Variants in SHANK2 observed in about 807,000 individuals in gnomAD.
SHANK2 encodes the protein SH3 and multiple ankyrin repeat domains protein 2.
In SHANK2, 43 loss-of-function variants were observed where a neutral mutation model predicts 133.7. The ratio of observed to expected loss-of-function variants is 0.32; its 90% CI spans 0.25 to 0.41. The LOEUF (loss-of-function observed/expected upper bound fraction) is 0.41, where lower values mean the gene tolerates loss of function less well. Among genes scored for constraint, SHANK2 ranks in the 10% least tolerant of loss-of-function variants. The pLI, the probability that SHANK2 is intolerant of heterozygous loss-of-function variation, is 1.00. For missense variants in SHANK2, 1,994 were observed against 2,235.8 expected (o/e 0.89, Z 2.18); for synonymous variants, 1,017 against 952.8 (o/e 1.07, Z -1.24).
intron 2 of SHANK2, among the ~76,000 whole-genome samples, chr11:71,219,902 A>C (rs1048339325): frequency 6.6e-6 from 1 of 150,544 alleles, no homozygotes; most frequent in Non-Finnish European, 1.5e-5. Flanking sequence ...CATCTCAAAA[A>C]ATAATTAAAT....
intron 10 of SHANK2, among the ~76,000 whole-genome samples, chr11:70,953,325 T>A (rs1400411076): frequency 1.3e-5 from 2 of 151,888 alleles, no homozygotes; most frequent in Admixed American, 6.6e-5. Flanking sequence ...GGGAGTTTTT[T>A]AAGGGAGAAT....
chr11:70,782,839 C>T (rs781828591), intron 14 of SHANK2, among the ~76,000 whole-genome samples: 35 of 152,202 alleles, frequency 2.3e-4, no homozygotes, highest in Non-Finnish European at 4.1e-4. Context: ...TCATCGCACA[C>T]GCAGCACGTC....
chr11:71,185,593 C>T (rs538732212), intron 2 of SHANK2, among the ~76,000 whole-genome samples: 4 of 152,150 alleles, frequency 2.6e-5, no homozygotes, highest in African/African-American at 7.2e-5. Context: ...CCCAGCCAAA[C>T]GGGGACCTGG....
intron 14 of SHANK2, among the ~76,000 whole-genome samples, chr11:70,747,518 T>C (rs1946665037): frequency 6.6e-6 from 1 of 152,198 alleles, no homozygotes; most frequent in African/African-American, 2.4e-5. Flanking sequence ...CAGACTAGTG[T>C]TGGGATTTGG....
chr11:70,547,998 G>A (rs1554976738), intron 17 of SHANK2, among the ~76,000 whole-genome samples: 1 of 152,258 alleles, frequency 6.6e-6, no homozygotes. Context: ...CTAGAAGGCT[G>A]TGGGTGTGGC....
chr11:70,771,305 C>T (rs1947245193), intron 14 of SHANK2, among the ~76,000 whole-genome samples: 1 of 152,166 alleles, frequency 6.6e-6, no homozygotes, highest in African/African-American at 2.4e-5. Context: ...CTTTCAGAGA[C>T]ATGGAGGGCC....
chr11:70,596,682 C>T (rs1408549025), intron 17 of SHANK2, among the ~76,000 whole-genome samples: 1 of 152,252 alleles, frequency 6.6e-6, no homozygotes, highest in Admixed American at 6.5e-5. Flanking sequence ...GGCCTTCCTT[C>T]CTTCCTGCCT....
chr11:70,871,743 T>G (rs1949468998), intron 11 of SHANK2, among the ~76,000 whole-genome samples: 2 of 152,102 alleles, frequency 1.3e-5, no homozygotes, highest in African/African-American at 4.8e-5. Context: ...TACAGCAAAC[T>G]GTGGCCACAT....
intron 17 of SHANK2, among the ~76,000 whole-genome samples, chr11:70,534,521 TC>T (rs1554973836): frequency 6.6e-6 from 1 of 152,092 alleles, no homozygotes; most frequent in Non-Finnish European, 1.5e-5. Context: ...GCAGGTGCTG[TC>T]CCCATTCACA....
intron 10 of SHANK2, among the ~76,000 whole-genome samples, chr11:70,915,710 T>C (rs1950260357): frequency 6.6e-6 from 1 of 152,136 alleles, no homozygotes; most frequent in Non-Finnish European, 1.5e-5. Flanking sequence ...GCTGCCTGCC[T>C]CGCGGGACGG....
At chr11:70,488,849 G>A (rs11236429) in intron 24 of SHANK2, among the ~76,000 whole-genome samples, 11 of 152,348 alleles carry the variant, frequency 7.2e-5, no homozygotes, top group African/African-American at 2.6e-4. Context: ...GAGGTCCTAC[G>A]ACAGCCAGCA....
At chr11:70,630,157 T>C (rs782092797) in intron 17 of SHANK2, among the ~76,000 whole-genome samples, 9 of 151,924 alleles carry the variant, frequency 5.9e-5, no homozygotes, top group Admixed American at 1.3e-4. Flanking sequence ...TGGGGTGAGG[T>C]GGGCTGCAGA....
chr11:70,668,689 G>A (rs1944728765), intron 15 of SHANK2: 1 of 152,418 alleles, frequency 6.6e-6, no homozygotes, highest in Non-Finnish European at 1.5e-5. Flanking sequence ...ACGGGCACCT[G>A]GAAGACTTCC....
At chr11:70,919,168 A>G (rs1056866753) in intron 10 of SHANK2, among the ~76,000 whole-genome samples, 1 of 152,120 alleles carries the variant, frequency 6.6e-6, no homozygotes, top group Non-Finnish European at 1.5e-5. Context: ...CCCTGTCTCA[A>G]AAAAATAAAA....
intron 6 of SHANK2, among the ~76,000 whole-genome samples, chr11:71,096,288 T>A (rs1951610819): frequency 1.3e-5 from 2 of 152,210 alleles, no homozygotes; most frequent in African/African-American, 4.8e-5. Flanking sequence ...GGGATGTTTC[T>A]TGCATAGAAA....
At chr11:70,590,647 A>G (rs1482544141) in intron 17 of SHANK2, among the ~76,000 whole-genome samples, 3 of 152,196 alleles carry the variant, frequency 2.0e-5, no homozygotes, top group Non-Finnish European at 4.4e-5. Flanking sequence ...GGCTCTGATG[A>G]TTGCTAGCAT....
At chr11:70,480,105 C>T (rs1243276500) in intron 25 of SHANK2, among the ~76,000 whole-genome samples, 1 of 152,214 alleles carries the variant, frequency 6.6e-6, no homozygotes, top group African/African-American at 2.4e-5. Context: ...TCTGGAACTC[C>T]ATTCAGCTCA....
At chr11:70,694,072 T>G (rs927277612) in intron 15 of SHANK2, among the ~76,000 whole-genome samples, 23 of 152,158 alleles carry the variant, frequency 1.5e-4, no homozygotes, top group African/African-American at 5.6e-4. Context: ...CTCTGGAGTA[T>G]CCCATGATGA....
intron 2 of SHANK2, among the ~76,000 whole-genome samples, chr11:71,201,964 G>A (rs1954028784): frequency 6.6e-6 from 1 of 152,218 alleles, no homozygotes; most frequent in Admixed American, 6.5e-5. Flanking sequence ...AGGGTCCCCT[G>A]TTCTACAGGA....
Sources: gnomAD v4.1 joint callset for allele counts (sites outside exome capture counted in the v4.1 genomes callset) on GRCh38, gnomAD v4.1.1 for gene constraint, MANE v1.5 for transcripts, NCBI Gene and HGNC (gene_info 2026-07-23, HGNC 2026-07-21) for gene names.